Variants in TTC39C observed in about 807,000 individuals in gnomAD.
TTC39C encodes the protein tetratricopeptide repeat domain 39C.
Under a neutral mutation model 76.3 loss-of-function variants are expected in TTC39C, and 33 were observed. The ratio of observed to expected loss-of-function variants is 0.43; its 90% CI spans 0.33 to 0.58. The LOEUF is 0.58. Among genes scored for constraint, TTC39C ranks in the 20% least tolerant of loss-of-function variants. The probability of loss-of-function intolerance (pLI) is 0.04; values close to 1 mark genes in which losing one functional copy is unlikely to be tolerated. For missense variants in TTC39C, 595 were observed against 701.4 expected, an observed-to-expected ratio of 0.85 and a Z score of 1.71; for synonymous variants, 254 against 260.6, an observed-to-expected ratio of 0.97 and a Z score of 0.24.
chr18:24,132,458 C>T (rs777439810), intron 13 of TTC39C, 27 bp from the exon 14 acceptor site: 2 of 1,603,038 alleles, frequency 1.2e-6, no homozygotes, highest in Non-Finnish European at 8.5e-7. Flanking sequence ...TAACAGAGTG[C>T]ATAAATATCT....
intron 6 of TTC39C, among the ~76,000 whole-genome samples, chr18:24,102,760 C>G (rs2084694144): frequency 6.6e-6 from 1 of 152,140 alleles, no homozygotes; most frequent in Non-Finnish European, 1.5e-5. Context: ...ATGTTGGCCC[C>G]TCTGATGATG....
chr18:24,108,038 C>T (rs1292469986), intron 6 of TTC39C, among the ~76,000 whole-genome samples: 5 of 152,244 alleles, frequency 3.3e-5, no homozygotes, highest in Non-Finnish European at 7.3e-5. Context: ...TTATGTTTTA[C>T]AAACTGCGAA....
intron 1 of TTC39C, chr18:24,022,612 C>T: frequency 1.0e-6 from 1 of 985,364 alleles, no homozygotes. Flanking sequence ...CAGTAATATG[C>T]AGATTGCACT....
At chr18:24,055,132 C>T (rs1017443810) in intron 1 of TTC39C, among the ~76,000 whole-genome samples, 1 of 152,052 alleles carries the variant, frequency 6.6e-6, no homozygotes, top group South Asian at 2.1e-4. Flanking sequence ...TTTTGTTTAT[C>T]CATTCATCTG....
At chr18:23,997,811 G>C (rs890562110) in intron 1 of TTC39C, among the ~76,000 whole-genome samples, 54 of 151,884 alleles carry the variant, frequency 3.6e-4, no homozygotes, top group African/African-American at 1.2e-3. Context: ...AGGAGTTTAA[G>C]GTGTATGAGC....
rs1411862151 is a variant in TTC39C at position 24,014,970 on chromosome 18, C to T, written c.99C>T (p.Ala33=). Residue 33 remains alanine (A), a synonymous_variant, in exon 1 of 14, where the codon GCC becomes GCT. Coordinates refer to ENST00000317571, the MANE Select transcript of TTC39C (RefSeq NM_001135993.2). ...CGCCCCTGCAGGACGCGGAGCTGGC[C>T]CTGGCCGGCATCAACATGCTGCTCA... ...AAAPLQDAEL[A]LAGINMLLNN... 6 of 1,530,202 alleles carry T rather than the reference C, an allele frequency of 3.9e-6. No homozygotes were observed. Among genetic ancestry groups the T allele is most frequent in the Admixed American group, 2.1e-5 (1 of 48,628 alleles). The allele number at this position is 1,530,202 out of a possible 1,614,324, so 94.8% of individuals were successfully genotyped here.
chr18:24,067,196 T>C (rs963168766), intron 3 of TTC39C, among the ~76,000 whole-genome samples: 2 of 152,248 alleles, frequency 1.3e-5, no homozygotes, highest in African/African-American at 2.4e-5. Flanking sequence ...AGTGTTCTAT[T>C]CTTCATTTTA....
chr18:24,125,671 C>A, intron 10 of TTC39C, 121 bp downstream of exon 10: 1 of 1,298,060 alleles, frequency 7.7e-7, no homozygotes, highest in Admixed American at 2.1e-5. Flanking sequence ...GGAGAGTACA[C>A]ATCTCTCCTT....
At chr18:24,067,611 C>T (rs746318784) in intron 3 of TTC39C, among the ~76,000 whole-genome samples, 31 of 152,148 alleles carry the variant, frequency 2.0e-4, no homozygotes, top group African/African-American at 1.2e-4. Flanking sequence ...ATCTAACTAA[C>T]GCCTGATGAC....
At chr18:24,126,572 C>A (rs1454097109) in intron 10 of TTC39C, among the ~76,000 whole-genome samples, 2 of 151,978 alleles carry the variant, frequency 1.3e-5, no homozygotes, top group African/African-American at 2.4e-5. Flanking sequence ...AGATGTGTAA[C>A]CCTCCCAAGG....
Position 24,080,657 on chromosome 18 carries a change from C to T in TTC39C, c.533C>T (p.Ala178Val). Residue 178 changes from alanine (A) to valine (V), a missense_variant, in exon 5 of 14, where the codon GCC becomes GTC. Transcript: ENST00000317571. ...IYNKCYLDIN[A>V]LQELYQKKLT... ...AATAAATGCTATCTGGACATCAATGCCCTTCAGGAGCTGTATCAGAAGAAG... is the reference window on the plus strand; with the variant it reads ...AATAAATGCTATCTGGACATCAATGTCCTTCAGGAGCTGTATCAGAAGAAG... The T allele has an allele frequency of 1.9e-6, 3 of 1,614,124 alleles. No individual in the cohort carries two copies. Among genetic ancestry groups the T allele is most frequent in the Non-Finnish European group, 2.5e-6 (3 of 1,180,020 alleles).
chr18:24,023,999 TATATATATATATATA>T (rs2083562470), intron 1 of TTC39C, among the ~76,000 whole-genome samples: 2 of 11,100 alleles, frequency 1.8e-4, no homozygotes, highest in Non-Finnish European at 3.4e-4. Flanking sequence ...TATATATATA[TATATATATATATATA>T]TATTTTTTTT....
In TTC39C at chr18:24,135,503, A is replaced by C. The variant is rs932830675; in HGVS notation, c.*2929A>C. The C allele has an allele frequency of 2.6e-5, 4 of 153,244 alleles. No homozygotes were observed. Among genetic ancestry groups the C allele is most frequent in the Non-Finnish European group, 5.9e-5 (4 of 68,184 alleles). 9.5% of individuals were successfully genotyped at this position (153,244 alleles called of 1,614,324 possible). On this transcript the variant is annotated 3_prime_UTR_variant, in exon 14 of 14. Transcript: ENST00000317571. Reference sequence around the variant, plus strand: ...CTGGCCTGCGTGCCGTGACTTATCCAACCTGTGAACTGATTGTGATCTGCT... The same window carrying C: ...CTGGCCTGCGTGCCGTGACTTATCCCACCTGTGAACTGATTGTGATCTGCT...
rs766310656 is a variant in TTC39C, at chr18:24,106,704, T to C, written c.985-7850T>C. On this transcript the variant is annotated intron_variant, in intron 6 of 13. Transcript: ENST00000317571. ...AGCCATGGGTTGTTTTGTTTTGTTGTGTTTTGAGACGGAGTCTGGCTCTGT... is the reference window on the plus strand; with the variant it reads ...AGCCATGGGTTGTTTTGTTTTGTTGCGTTTTGAGACGGAGTCTGGCTCTGT... Among the ~76,000 whole-genome samples, 7 of 152,126 alleles carry C rather than the reference T, an allele frequency of 4.6e-5. 1 individual carries two copies. Among genetic ancestry groups the C allele is most frequent in the Non-Finnish European group, 8.8e-5 (6 of 68,018 alleles).
At chr18:24,106,291 C>T (rs754873980) in intron 6 of TTC39C, among the ~76,000 whole-genome samples, 3 of 152,162 alleles carry the variant, frequency 2.0e-5, no homozygotes, top group Non-Finnish European at 2.9e-5. Flanking sequence ...CTAGCTGCCT[C>T]CAAGTGCACC....
intron 1 of TTC39C, among the ~76,000 whole-genome samples, chr18:24,044,188 T>C (rs2083834788): frequency 6.6e-6 from 1 of 151,802 alleles, no homozygotes; most frequent in Non-Finnish European, 1.5e-5. Context: ...GAGGACATCA[T>C]GGAAAAAGTC....
At chr18:24,120,027 G>C (rs2084945519) in intron 8 of TTC39C, among the ~76,000 whole-genome samples, 1 of 149,834 alleles carries the variant, frequency 6.7e-6, no homozygotes, top group African/African-American at 2.5e-5. Context: ...AAGCATGAAA[G>C]ATTCTGATCT....
rs187267896 is a variant in TTC39C, at chr18:24,031,009, C to T, written c.167+15971C>T. Among the ~76,000 whole-genome samples the T allele has an allele frequency of 4.6e-5, 7 of 151,888 alleles. No homozygotes were observed. In the South Asian group the frequency reaches 1.0e-3, roughly 23 times the overall value. ...CCCAGGCTGGAGTGCAGTGGCAGTG[C>T]GATCTCGGCAACTTGCAGCCTCCAA... On this transcript the variant is annotated intron_variant, in intron 1 of 13. Coordinates refer to ENST00000317571, the MANE Select transcript of TTC39C (RefSeq NM_001135993.2).
At chr18:24,052,777 A>G (rs1480569471) in intron 1 of TTC39C, among the ~76,000 whole-genome samples, 1 of 152,180 alleles carries the variant, frequency 6.6e-6, no homozygotes, top group Non-Finnish European at 1.5e-5. Context: ...ACTATGGGAA[A>G]ACATTGAGAA....
Sources: gnomAD v4.1 joint callset for allele counts (sites outside exome capture counted in the v4.1 genomes callset) on GRCh38, gnomAD v4.1.1 for gene constraint, MANE v1.5 for transcripts, NCBI Gene and HGNC (gene_info 2026-07-23, HGNC 2026-07-21) for gene names.